The following PIK3C2G variants were observed in gnomAD, a reference collection of about 807,000 sequenced individuals.
PIK3C2G encodes phosphatidylinositol-4-phosphate 3-kinase catalytic subunit type 2 gamma.
A neutral mutation model predicts 181.1 loss-of-function variants in PIK3C2G; 168 were observed. The observed-to-expected ratio is 0.93, with a 90% CI of 0.82 to 1.05. The LOEUF is 1.05. PIK3C2G is among the 50% of genes least tolerant of loss of function. The pLI is 0.00. For missense variants in PIK3C2G, 1,869 were observed against 1,732.8 expected (o/e 1.08, Z -1.40); for synonymous variants, 573 against 592.2 (o/e 0.97, Z 0.47).
chr12:18,693,416 G>C, the PIK3C2G span: 1 of 1,604,858 alleles, frequency 6.2e-7, no homozygotes, highest in Non-Finnish European at 8.5e-7. Flanking sequence ...ATTATGAAGA[G>C]ATGGGTATAA....
chr12:18,692,918 C>A, the PIK3C2G span: 65 of 1,587,648 alleles, frequency 4.1e-5, no homozygotes, highest in African/African-American at 7.1e-4. Context: ...ATGCTGCCAG[C>A]AAACTGCCAC....
the PIK3C2G span, chr12:18,693,657 G>A: frequency 6.4e-7 from 1 of 1,565,414 alleles, no homozygotes; most frequent in Non-Finnish European, 8.8e-7. Context: ...GGGACAAAAA[G>A]ATATGACTCC....
chr12:18,723,578 G>A, the PIK3C2G span: 7 of 1,483,592 alleles, frequency 4.7e-6, no homozygotes, highest in Non-Finnish European at 4.7e-6. Context: ...CACATTGTGA[G>A]TATAAAAAAT....
At chr12:18,366,376 T>C (rs1039000348) in intron 12 of PIK3C2G, among the ~76,000 whole-genome samples, 4 of 151,902 alleles carry the variant, frequency 2.6e-5, no homozygotes, top group Admixed American at 2.6e-4. Flanking sequence ...CTACTAAAAA[T>C]ACAAAAATTA....
At chr12:18,320,893 C>A (rs1004318805) in intron 6 of PIK3C2G, 69 bp from the exon 7 acceptor site, 2 of 793,794 alleles carry the variant, frequency 2.5e-6, no homozygotes, top group Non-Finnish European at 4.2e-6. Flanking sequence ...CAGGAAGTTA[C>A]GGACCTATTT....
At chr12:18,533,580 TGTTAGTGGA>T (rs1156830445) in intron 24 of PIK3C2G, among the ~76,000 whole-genome samples, 3 of 152,296 alleles carry the variant, frequency 2.0e-5, no homozygotes, top group African/African-American at 7.2e-5. Flanking sequence ...TTCTCTGTAT[TGTTAGTGGA>T]GTAATCTTTT....
intron 25 of PIK3C2G, among the ~76,000 whole-genome samples, chr12:18,543,946 C>T (rs1000124377): frequency 6.6e-6 from 1 of 151,810 alleles, no homozygotes; most frequent in African/African-American, 2.4e-5. Context: ...TCTAATATGA[C>T]AAACATACAT....
At chr12:18,367,662 C>T (rs556502956) in intron 12 of PIK3C2G, among the ~76,000 whole-genome samples, 13 of 152,182 alleles carry the variant, frequency 8.5e-5, no homozygotes, top group African/African-American at 2.9e-4. Flanking sequence ...TCAAGCAGTT[C>T]TCCTGCCTCA....
At chr12:18,383,420 G>A (rs1446573876) in intron 14 of PIK3C2G, among the ~76,000 whole-genome samples, 2 of 152,160 alleles carry the variant, frequency 1.3e-5, no homozygotes, top group Non-Finnish European at 2.9e-5. Context: ...GAATATTTCT[G>A]AGGGAAAGTA....
At chr12:18,368,645 T>C (rs1291863270) in intron 12 of PIK3C2G, among the ~76,000 whole-genome samples, 3 of 152,236 alleles carry the variant, frequency 2.0e-5, no homozygotes, top group African/African-American at 7.2e-5. Flanking sequence ...TTTATTGTCT[T>C]ATTCCACTGG....
At chr12:18,471,889 T>A (rs993892775) in intron 18 of PIK3C2G, among the ~76,000 whole-genome samples, 1 of 152,108 alleles carries the variant, frequency 6.6e-6, no homozygotes. Context: ...TAATCAATAT[T>A]TATTAAACTT....
At chr12:18,416,645 A>G (rs1385983560) in intron 16 of PIK3C2G, among the ~76,000 whole-genome samples, 1 of 152,204 alleles carries the variant, frequency 6.6e-6, no homozygotes, top group Non-Finnish European at 1.5e-5. Flanking sequence ...AAATAGAATA[A>G]CAAAGCCTGG....
intron 3 of PIK3C2G, among the ~76,000 whole-genome samples, chr12:18,289,760 G>A (rs1429277279): frequency 6.6e-6 from 1 of 152,188 alleles, no homozygotes; most frequent in Non-Finnish European, 1.5e-5. Flanking sequence ...GCCCCTGATG[G>A]AGGAGATGTT....
Position 18,468,539 on chromosome 12 carries a change from T to C in PIK3C2G, c.2505-19910T>C, listed in dbSNP as rs544291131. Among the ~76,000 whole-genome samples, 3 of 152,204 alleles carry C rather than the reference T, an allele frequency of 2.0e-5. No individual in the cohort carries two copies. In the South Asian group the frequency reaches 6.2e-4, roughly 32 times the overall value. On this transcript the variant is annotated intron_variant, in intron 18 of 32. Transcript: ENST00000538779. ...AATATCCTTATATTCTATTATTCAG[T>C]TGATCTGACTGACACAGTTTCTTAA...
chr12:18,629,348 C>G (rs1254470271), intron 31 of PIK3C2G, among the ~76,000 whole-genome samples: 1 of 152,162 alleles, frequency 6.6e-6, no homozygotes, highest in African/African-American at 2.4e-5. Context: ...GTCAGGTCAT[C>G]ATCAGCTCCT....
intron 8 of PIK3C2G, among the ~76,000 whole-genome samples, chr12:18,333,764 G>T (rs1468118769): frequency 6.6e-6 from 1 of 152,130 alleles, no homozygotes; most frequent in Non-Finnish European, 1.5e-5. Flanking sequence ...CTCATTAATT[G>T]AATTTGATAA....
the PIK3C2G span, chr12:18,694,794 A>T: frequency 5.6e-5 from 48 of 858,656 alleles, no homozygotes; most frequent in Non-Finnish European, 7.5e-5. Flanking sequence ...GTACCTGAAA[A>T]GATTAACAGA....
At chr12:18,665,118 T>C in the PIK3C2G span, among the ~76,000 whole-genome samples, 1 of 151,322 alleles carries the variant, frequency 6.6e-6, no homozygotes, top group South Asian at 2.1e-4. Flanking sequence ...GTAACTAACC[T>C]GCACATTGTG....
chr12:18,299,127 AT>A (rs897986539), intron 5 of PIK3C2G, among the ~76,000 whole-genome samples: 6 of 151,814 alleles, frequency 4.0e-5, no homozygotes, highest in Non-Finnish European at 7.4e-5. Flanking sequence ...GAATCTGTAG[AT>A]TGGGTAGTAT....
Sources: allele counts gnomAD v4.1 joint callset (sites outside exome capture counted in the v4.1 genomes callset), GRCh38; gene constraint gnomAD v4.1.1; transcripts MANE v1.5; gene names NCBI Gene and HGNC (gene_info 2026-07-23, HGNC 2026-07-21).